QTGAL: variants seen among roughly 807,000 people sequenced by gnomAD.
The protein encoded by QTGAL is queuosine-tRNA galactosyltransferase, also known as BGnT-like protein 1.
At chr17:82,977,237 A>C in the QTGAL span, among the ~76,000 whole-genome samples, 1 of 152,240 alleles carries the variant, frequency 6.6e-6, no homozygotes, top group South Asian at 2.1e-4. Flanking sequence ...CAGGCCGCGA[A>C]GTCGGAACCT....
the QTGAL span, among the ~76,000 whole-genome samples, chr17:83,038,065 G>A: frequency 4.0e-3 from 608 of 152,184 alleles, 4 homozygotes; most frequent in African/African-American, 0.014. Flanking sequence ...TAGGAAAGTG[G>A]GGCTCCGTTA....
chr17:82,966,041 C>G, the QTGAL span, among the ~76,000 whole-genome samples: 1 of 151,974 alleles, frequency 6.6e-6, no homozygotes, highest in African/African-American at 2.4e-5. Flanking sequence ...TCCCAGGTAG[C>G]TGGGACCACA....
chr17:83,019,837 G>A, the QTGAL span, among the ~76,000 whole-genome samples: 7 of 152,010 alleles, frequency 4.6e-5, no homozygotes, highest in African/African-American at 1.2e-4. Flanking sequence ...AGGTTCAAGC[G>A]ATTCTCCTGC....
the QTGAL span, chr17:82,957,388 G>A: frequency 1.9e-5 from 31 of 1,613,128 alleles, no homozygotes; most frequent in Admixed American, 1.3e-4. Context: ...GTCAAGCTGC[G>A]GTACAGCCGG....
chr17:82,948,726 C>CG, the QTGAL span: 1 of 152,248 alleles, frequency 6.6e-6, no homozygotes, highest in Admixed American at 6.5e-5. Context: ...GACGGCATTT[C>CG]GTTCCTGGAA....
At chr17:82,999,941 GT>G in the QTGAL span, among the ~76,000 whole-genome samples, 1 of 151,828 alleles carries the variant, frequency 6.6e-6, no homozygotes, top group African/African-American at 2.4e-5. Context: ...GAGGTCACTG[GT>G]TTTTTTTGTT....
At chr17:82,960,238 CT>C in the QTGAL span, 1 of 152,312 alleles carries the variant, frequency 6.6e-6, no homozygotes, top group African/African-American at 2.4e-5. Flanking sequence ...CTTAGACCCC[CT>C]GGGGAGCTGG....
the QTGAL span, among the ~76,000 whole-genome samples, chr17:83,041,038 G>T: frequency 6.7e-6 from 1 of 149,820 alleles, no homozygotes; most frequent in African/African-American, 2.5e-5. Context: ...TGCACTCCAG[G>T]CTGGGTGACA....
At chr17:82,976,331 G>C in the QTGAL span, among the ~76,000 whole-genome samples, 5 of 57,768 alleles carry the variant, frequency 8.7e-5, no homozygotes, top group South Asian at 5.6e-4. Context: ...TATGGGGAAC[G>C]AGGGCCCCGG....
the QTGAL span, among the ~76,000 whole-genome samples, chr17:82,962,949 G>C: frequency 2.0e-5 from 3 of 152,042 alleles, no homozygotes; most frequent in African/African-American, 4.8e-5. Context: ...TGAGAGGCCC[G>C]AAATGGCCTC....
chr17:83,038,637 T>C, the QTGAL span, among the ~76,000 whole-genome samples: 2 of 152,168 alleles, frequency 1.3e-5, no homozygotes, highest in Non-Finnish European at 2.9e-5. Context: ...GGCAGGCGGA[T>C]CAGGAGGTCA....
At chr17:83,006,590 A>G in the QTGAL span, 1 of 985,464 alleles carries the variant, frequency 1.0e-6, no homozygotes, top group Non-Finnish European at 1.2e-6. This position sits in a 1 kb window ranked among gnomAD's most constrained non-coding sequence, Gnocchi z 5.8. Flanking sequence ...AGCCACTGGC[A>G]GCCCCTCAAC....
chr17:82,979,834 A>AAG, the QTGAL span, among the ~76,000 whole-genome samples: 3 of 152,244 alleles, frequency 2.0e-5, no homozygotes, highest in African/African-American at 7.2e-5. Context: ...AACCAATTTT[A>AAG]AGACCTGGTC....
chr17:83,001,019 C>A, the QTGAL span, among the ~76,000 whole-genome samples: 1 of 152,194 alleles, frequency 6.6e-6, no homozygotes, highest in Non-Finnish European at 1.5e-5. Flanking sequence ...ACTGTGTTGA[C>A]TGTGGTGGGT....
the QTGAL span, among the ~76,000 whole-genome samples, chr17:82,986,095 C>T: frequency 6.6e-6 from 1 of 152,228 alleles, no homozygotes; most frequent in Non-Finnish European, 1.5e-5. Flanking sequence ...AGGGACTCTG[C>T]ACACCCTTTC....
the QTGAL span, among the ~76,000 whole-genome samples, chr17:83,040,009 T>TA: frequency 6.6e-6 from 1 of 152,262 alleles, no homozygotes; most frequent in African/African-American, 2.4e-5. Flanking sequence ...GCCCTTGAAA[T>TA]ACGTCATAGC....
chr17:82,997,431 C>T, the QTGAL span, among the ~76,000 whole-genome samples: 2 of 152,094 alleles, frequency 1.3e-5, no homozygotes, highest in East Asian at 1.9e-4. Context: ...TGTACAATGT[C>T]GGTGGGAATG....
chr17:83,026,958 A>G, the QTGAL span, among the ~76,000 whole-genome samples: 7 of 145,752 alleles, frequency 4.8e-5, no homozygotes, highest in African/African-American at 1.3e-4. Context: ...AGACACACAG[A>G]GCGGGGCAGG....
chr17:82,962,206 G>T, the QTGAL span, among the ~76,000 whole-genome samples: 1 of 152,150 alleles, frequency 6.6e-6, no homozygotes, highest in Admixed American at 6.5e-5. Context: ...CCAACCGCTG[G>T]CCTGTTTGCT....
Sources: allele counts gnomAD v4.1 joint callset (sites outside exome capture counted in the v4.1 genomes callset), GRCh38; gene constraint gnomAD v4.1.1; non-coding constraint Gnocchi (gnomAD v3.1); transcripts MANE v1.5; gene names NCBI Gene and HGNC (gene_info 2026-07-23, HGNC 2026-07-21).